Variants in LHFPL3 observed in about 807,000 individuals in gnomAD.
LHFPL3 encodes the protein LHFPL tetraspan subfamily member 3.
A neutral mutation model predicts 19.3 loss-of-function variants in LHFPL3; 5 were observed. That is an observed-to-expected ratio of 0.26 (90% CI 0.14 to 0.54). LHFPL3 has a LOEUF of 0.54. Among genes scored for constraint, LHFPL3 ranks in the 20% least tolerant of loss-of-function variants. LHFPL3 has a pLI of 0.94. For missense variants in LHFPL3, 249 were observed against 307.4 expected (o/e 0.81, Z 1.42); for synonymous variants, 133 against 126.2 (o/e 1.05, Z -0.36).
intron 2 of LHFPL3, among the ~76,000 whole-genome samples, chr7:104,888,457 G>A (rs985263496): frequency 6.6e-6 from 1 of 152,212 alleles, no homozygotes; most frequent in Non-Finnish European, 1.5e-5. Flanking sequence ...TTGGACCCAG[G>A]AGTTGGAGGT....
At chr7:104,593,734 G>T (rs1408571898) in intron 1 of LHFPL3, among the ~76,000 whole-genome samples, 1 of 152,132 alleles carries the variant, frequency 6.6e-6, no homozygotes, top group East Asian at 1.9e-4. Context: ...TGTATTGGGT[G>T]CATATATATT....
intron 1 of LHFPL3, among the ~76,000 whole-genome samples, chr7:104,519,458 G>A (rs550485581): frequency 6.6e-6 from 1 of 152,260 alleles, no homozygotes; most frequent in Admixed American, 6.5e-5. Flanking sequence ...TGACATTCCT[G>A]ACAGTGCCAG....
rs191732719 is a variant in LHFPL3 at position 104,611,191 on chromosome 7, A to G, written c.446-125484A>G. ...AGCAGATAAATTTTATTAAATGATGATAAGTTAGGTGGGCATTAGATAACA... is the reference window on the plus strand; with the variant it reads ...AGCAGATAAATTTTATTAAATGATGGTAAGTTAGGTGGGCATTAGATAACA... On this transcript the variant is annotated intron_variant, in intron 1 of 2. Coordinates refer to ENST00000424859, the MANE Select transcript of LHFPL3 (RefSeq NM_199000.3). 1.6e-3 allele frequency among the ~76,000 whole-genome samples: 246 copies of G among 152,338 alleles called. 3 individuals carry two copies. Among genetic ancestry groups the G allele is most frequent in the Non-Finnish European group, 9.8e-4 (67 of 68,034 alleles).
intron 1 of LHFPL3, among the ~76,000 whole-genome samples, chr7:104,603,810 A>G (rs1791033497): frequency 6.6e-6 from 1 of 152,242 alleles, no homozygotes; most frequent in South Asian, 2.1e-4. Context: ...TAAGTCTTAA[A>G]GTCCTTTGAC....
intron 1 of LHFPL3, among the ~76,000 whole-genome samples, chr7:104,569,167 A>G (rs1790179781): frequency 1.3e-5 from 2 of 152,164 alleles, no homozygotes. Context: ...AAATCTTCCT[A>G]TATCTTTATC....
chr7:104,634,511 T>C (rs1356773980), intron 1 of LHFPL3, among the ~76,000 whole-genome samples: 3 of 152,172 alleles, frequency 2.0e-5, no homozygotes, highest in African/African-American at 7.2e-5. Context: ...AACATATACA[T>C]TTTGGGCTCA....
At chr7:104,729,729 A>C (rs1793657604) in intron 1 of LHFPL3, among the ~76,000 whole-genome samples, 1 of 151,968 alleles carries the variant, frequency 6.6e-6, no homozygotes, top group South Asian at 2.1e-4. Flanking sequence ...ATATATACTT[A>C]TATAACATTT....
intron 1 of LHFPL3, among the ~76,000 whole-genome samples, chr7:104,583,997 A>G (rs1243057481): frequency 6.6e-6 from 1 of 152,192 alleles, no homozygotes; most frequent in Non-Finnish European, 1.5e-5. Flanking sequence ...TGCTATAAAG[A>G]CACATGAACA....
chr7:104,736,720 A>T lies in LHFPL3; in HGVS notation c.491A>T (p.Asp164Val). 6.2e-7 allele frequency: 1 copy of T among 1,613,424 alleles called. No individual in the cohort carries two copies. ...LGCMIFPDGW[D>V]SDEVKRMCGE... Reference sequence around the variant, plus strand: ...TGTATGATTTTCCCTGATGGCTGGGACTCAGATGAAGTAAAACGGATGTGT... The same window carrying T: ...TGTATGATTTTCCCTGATGGCTGGGTCTCAGATGAAGTAAAACGGATGTGT... The change falls in exon 2 of 3, where the codon GAC (aspartate) becomes GTC (valine). Residue 164 changes from aspartate to valine, a missense_variant. By Grantham distance (152) the Asp-to-Val change is radical. Coordinates refer to ENST00000424859, the MANE Select transcript of LHFPL3 (RefSeq NM_199000.3).
chr7:104,361,839 A>G (rs1790394855), intron 1 of LHFPL3, among the ~76,000 whole-genome samples: 1 of 152,214 alleles, frequency 6.6e-6, no homozygotes, highest in Non-Finnish European at 1.5e-5. Flanking sequence ...ATACAAATCT[A>G]TCCGGATTAA....
At chr7:104,340,240 A>G (rs1410796337) in intron 1 of LHFPL3, among the ~76,000 whole-genome samples, 1 of 152,218 alleles carries the variant, frequency 6.6e-6, no homozygotes, top group Non-Finnish European at 1.5e-5. Context: ...AAAAAATAAC[A>G]TCTGCTAACC....
chr7:104,619,735 G>C, intron 1 of LHFPL3, among the ~76,000 whole-genome samples: 1 of 151,956 alleles, frequency 6.6e-6, no homozygotes. Context: ...ATTCCTCAAG[G>C]AGTTTATAGT....
chr7:104,801,862 G>A (rs1790253813), intron 2 of LHFPL3, among the ~76,000 whole-genome samples: 1 of 152,098 alleles, frequency 6.6e-6, no homozygotes, highest in African/African-American at 2.4e-5. Context: ...CAGCCACCAT[G>A]CCCGGCCAAG....
At chr7:104,757,284 A>C (rs1379917561) in intron 2 of LHFPL3, among the ~76,000 whole-genome samples, 1 of 152,196 alleles carries the variant, frequency 6.6e-6, no homozygotes, top group Admixed American at 6.5e-5. Context: ...TACCATCTGG[A>C]CATCAGCCTT....
chr7:104,619,729 C>T (rs935535046), intron 1 of LHFPL3, among the ~76,000 whole-genome samples: 17 of 152,116 alleles, frequency 1.1e-4, no homozygotes, highest in African/African-American at 4.1e-4. Flanking sequence ...ACTTTTATTC[C>T]TCAAGGAGTT....
intron 1 of LHFPL3, among the ~76,000 whole-genome samples, chr7:104,385,007 A>G (rs1255431623): frequency 6.6e-6 from 1 of 152,008 alleles, no homozygotes; most frequent in Non-Finnish European, 1.5e-5. Context: ...GGATTCCCCA[A>G]TCCGAAGAAA....
chr7:104,554,645 A>G (rs1370695536), intron 1 of LHFPL3, among the ~76,000 whole-genome samples: 1 of 30,180 alleles, frequency 3.3e-5, no homozygotes, highest in Non-Finnish European at 9.1e-5. Context: ...ATAGACAGAT[A>G]GATAGATAGA....
At chr7:104,519,998 T>A (rs1269663585) in intron 1 of LHFPL3, among the ~76,000 whole-genome samples, 3 of 151,878 alleles carry the variant, frequency 2.0e-5, no homozygotes, top group Admixed American at 6.6e-5. Flanking sequence ...AAATTAGTGG[T>A]GAGAAAGGGC....
intron 1 of LHFPL3, among the ~76,000 whole-genome samples, chr7:104,603,070 CTTTCTTTCTTTCTTTCTTTCTT>C (rs1791004528): frequency 2.4e-4 from 14 of 58,764 alleles, no homozygotes; most frequent in Admixed American, 7.2e-4. Flanking sequence ...CTTTCTTTTT[CTTTCTTTCTTTCTTTCTTTCTT>C]TCTTTCTTTC....
Sources: gnomAD v4.1 joint callset for allele counts (sites outside exome capture counted in the v4.1 genomes callset) on GRCh38, gnomAD v4.1.1 for gene constraint, MANE v1.5 for transcripts, NCBI Gene and HGNC (gene_info 2026-07-23, HGNC 2026-07-21) for gene names.